The following CDH12 variants were observed in gnomAD, a reference collection of about 807,000 sequenced individuals.
The protein encoded by CDH12 is cadherin 12.
A neutral mutation model predicts 74.1 loss-of-function variants in CDH12; 41 were observed. The observed-to-expected ratio is 0.55, with a 90% confidence interval of 0.43 to 0.72. CDH12 has a LOEUF of 0.72. Ranked by LOEUF, CDH12 falls within the 30% of genes least tolerant of loss-of-function variation. The probability of loss-of-function intolerance (pLI) is 0.00; values close to 1 mark genes in which losing one functional copy is unlikely to be tolerated. For missense variants in CDH12, 945 were observed against 977.2 expected (o/e 0.97, Z 0.44); for synonymous variants, 399 against 355.0 (o/e 1.12, Z -1.39).
chr5:22,439,387 A>C (rs1744531765), intron 2 of CDH12, among the ~76,000 whole-genome samples: 1 of 152,074 alleles, frequency 6.6e-6, no homozygotes, highest in Non-Finnish European at 1.5e-5. Context: ...ACTTTAGGGA[A>C]TGATTCAGGG....
chr5:22,394,891 G>GT (rs1742394409), intron 3 of CDH12, among the ~76,000 whole-genome samples: 1 of 152,102 alleles, frequency 6.6e-6, no homozygotes, highest in Non-Finnish European at 1.5e-5. Context: ...TAAATTTAGA[G>GT]TTTGTGCTAT....
At chr5:22,729,630 G>T (rs548858490) in intron 1 of CDH12, among the ~76,000 whole-genome samples, 1 of 151,934 alleles carries the variant, frequency 6.6e-6, no homozygotes, top group African/African-American at 2.4e-5. Flanking sequence ...TATTTTTTCA[G>T]TTTTTTGGTG....
chr5:22,077,984 G>A (rs1742446361), intron 5 of CDH12, among the ~76,000 whole-genome samples: 1 of 152,030 alleles, frequency 6.6e-6, no homozygotes, highest in Admixed American at 6.6e-5. Flanking sequence ...GAAAGGAGAA[G>A]AAATACATTC....
intron 9 of CDH12, among the ~76,000 whole-genome samples, chr5:21,808,503 A>G (rs1747562633): frequency 6.6e-6 from 1 of 151,948 alleles, no homozygotes; most frequent in Non-Finnish European, 1.5e-5. Context: ...AATGAACGCA[A>G]ATGATCCGAG....
intron 4 of CDH12, among the ~76,000 whole-genome samples, chr5:22,160,712 G>C (rs977203516): frequency 2.1e-4 from 32 of 152,220 alleles, no homozygotes; most frequent in African/African-American, 7.0e-4. Flanking sequence ...GCTGTGTCCT[G>C]TGTTCTCACA....
chr5:21,942,688 C>T (rs192814332), intron 6 of CDH12, among the ~76,000 whole-genome samples: 6 of 151,928 alleles, frequency 3.9e-5, no homozygotes, highest in Non-Finnish European at 8.8e-5. Flanking sequence ...TTTTTCAAAG[C>T]AATGCTGGCA....
At chr5:22,516,290 A>T (rs1736803291) in intron 1 of CDH12, among the ~76,000 whole-genome samples, 1 of 152,202 alleles carries the variant, frequency 6.6e-6, no homozygotes, top group Admixed American at 6.6e-5. Context: ...TTCTAATTAC[A>T]GATTTTAAAA....
chr5:22,702,172 A>T, intron 1 of CDH12, among the ~76,000 whole-genome samples: 1 of 152,110 alleles, frequency 6.6e-6, no homozygotes, highest in East Asian at 1.9e-4. Flanking sequence ...GTTGCCTTAC[A>T]CTAACTACTC....
intron 4 of CDH12, among the ~76,000 whole-genome samples, chr5:22,166,148 C>T (rs1748668771): frequency 6.6e-6 from 1 of 152,108 alleles, no homozygotes; most frequent in Admixed American, 6.6e-5. Flanking sequence ...TTCAGTAACA[C>T]TTATCAATTA....
intron 3 of CDH12, among the ~76,000 whole-genome samples, chr5:22,255,723 A>G (rs1485904143): frequency 6.6e-6 from 1 of 151,930 alleles, no homozygotes; most frequent in Non-Finnish European, 1.5e-5. Context: ...TATATAATGA[A>G]ACTACATGCA....
chr5:22,847,484 C>A (rs1737360189), intron 1 of CDH12, among the ~76,000 whole-genome samples: 1 of 152,162 alleles, frequency 6.6e-6, no homozygotes, highest in Non-Finnish European at 1.5e-5. Context: ...TTAAATACAT[C>A]ATTTCATTTA....
chr5:22,447,874 G>A (rs1332772195), intron 2 of CDH12, among the ~76,000 whole-genome samples: 1 of 151,266 alleles, frequency 6.6e-6, no homozygotes, highest in Non-Finnish European at 1.5e-5. Context: ...GAGCATGGTG[G>A]CTCATGCCTG....
At chr5:22,034,697 C>T (rs1206514470) in intron 5 of CDH12, among the ~76,000 whole-genome samples, 2 of 152,080 alleles carry the variant, frequency 1.3e-5, no homozygotes, top group Non-Finnish European at 1.5e-5. Context: ...ATTTGAAAAA[C>T]ATTTGTGCTG....
chr5:22,408,612 TG>T lies in CDH12; in HGVS notation c.-427-3262del, dbSNP rs1743040800. 4.7e-5 allele frequency among the ~76,000 whole-genome samples: 7 copies of T among 150,226 alleles called. No homozygotes were observed. The Admixed American group carries it at 4.7e-4, about 10-fold the overall frequency. On this transcript the variant is annotated intron_variant, in intron 2 of 14. Coordinates refer to ENST00000382254, the MANE Select transcript of CDH12 (RefSeq NM_004061.5). ...ATACTATATATACATTATATGTAATTGTAAATTACATATATAGTACACATGC... is the reference window on the plus strand; with the variant it reads ...ATACTATATATACATTATATGTAATTTAAATTACATATATAGTACACATGC...
chr5:22,048,598 A>C (rs1740127150), intron 5 of CDH12, among the ~76,000 whole-genome samples: 1 of 152,174 alleles, frequency 6.6e-6, no homozygotes, highest in South Asian at 2.1e-4. Context: ...TCAAAGGAAA[A>C]AATATTAAGT....
At chr5:22,121,633 T>C (rs1320926447) in intron 4 of CDH12, among the ~76,000 whole-genome samples, 3 of 152,228 alleles carry the variant, frequency 2.0e-5, no homozygotes, top group African/African-American at 7.2e-5. Flanking sequence ...GTCCTCATTG[T>C]AAATACAGTA....
intron 3 of CDH12, among the ~76,000 whole-genome samples, chr5:22,376,892 A>C (rs747260968): frequency 2.6e-5 from 4 of 152,134 alleles, no homozygotes; most frequent in Non-Finnish European, 4.4e-5. Context: ...ATAATAAATA[A>C]GTAAATGAAA....
intron 1 of CDH12, among the ~76,000 whole-genome samples, chr5:22,772,850 TA>T (rs541416519): frequency 5.0e-4 from 76 of 152,104 alleles, no homozygotes; most frequent in Middle Eastern, 3.4e-3. Context: ...TACTAGCACT[TA>T]GAAAGAATCC....
At chr5:22,074,445 A>C (rs1383850981) in intron 5 of CDH12, among the ~76,000 whole-genome samples, 4 of 152,196 alleles carry the variant, frequency 2.6e-5, no homozygotes, top group Non-Finnish European at 4.4e-5. Flanking sequence ...ATGGCAACAA[A>C]AGACAAAATT....
Sources: allele counts gnomAD v4.1 joint callset (sites outside exome capture counted in the v4.1 genomes callset), GRCh38; gene constraint gnomAD v4.1.1; transcripts MANE v1.5; gene names NCBI Gene and HGNC (gene_info 2026-07-23, HGNC 2026-07-21).